Variants in AKAP19 observed in about 807,000 individuals in gnomAD.
The protein encoded by AKAP19 is A-kinase anchoring protein 19.
the AKAP19 span, among the ~76,000 whole-genome samples, chr2:190,041,976 T>C: frequency 6.6e-6 from 1 of 152,236 alleles, no homozygotes; most frequent in African/African-American, 2.4e-5. Context: ...GCCTGAAGCT[T>C]TCTTTTTTTA....
the AKAP19 span, among the ~76,000 whole-genome samples, chr2:189,936,914 C>G: frequency 6.6e-6 from 1 of 152,074 alleles, no homozygotes; most frequent in African/African-American, 2.4e-5. Flanking sequence ...CACTTGAGGC[C>G]CAGAGTTCAA....
the AKAP19 span, among the ~76,000 whole-genome samples, chr2:190,005,962 C>A: frequency 6.6e-6 from 1 of 152,106 alleles, no homozygotes; most frequent in Non-Finnish European, 1.5e-5. Flanking sequence ...TTTGTCCCTT[C>A]AGACTATTTT....
At chr2:189,916,914 G>A in the AKAP19 span, among the ~76,000 whole-genome samples, 20 of 151,932 alleles carry the variant, frequency 1.3e-4, no homozygotes, top group Non-Finnish European at 2.2e-4. Flanking sequence ...TTCATTCACC[G>A]TATAATTTAT....
the AKAP19 span, chr2:190,199,705 T>A: frequency 6.9e-7 from 1 of 1,455,912 alleles, no homozygotes; most frequent in East Asian, 2.4e-5. Context: ...AGGTAAACAC[T>A]ACACGTGAAG....
the AKAP19 span, among the ~76,000 whole-genome samples, chr2:190,084,432 G>A: frequency 6.6e-6 from 1 of 152,122 alleles, no homozygotes; most frequent in Non-Finnish European, 1.5e-5. Context: ...TGATTTTAAT[G>A]TGTTGGCTGG....
the AKAP19 span, among the ~76,000 whole-genome samples, chr2:190,047,573 A>G: frequency 1.3e-5 from 2 of 152,180 alleles, no homozygotes; most frequent in Non-Finnish European, 2.9e-5. Flanking sequence ...GAAGATTATG[A>G]TTTATTCCTC....
At chr2:189,990,907 T>C in the AKAP19 span, among the ~76,000 whole-genome samples, 6 of 152,262 alleles carry the variant, frequency 3.9e-5, no homozygotes, top group South Asian at 4.1e-4. Context: ...ATCACTCTTA[T>C]GCCTTTGCAT....
the AKAP19 span, among the ~76,000 whole-genome samples, chr2:190,073,435 A>G: frequency 6.6e-6 from 1 of 152,202 alleles, no homozygotes; most frequent in Non-Finnish European, 1.5e-5. Flanking sequence ...AAATAGAATT[A>G]TGGGAAACTT....
At chr2:189,933,815 T>C in the AKAP19 span, among the ~76,000 whole-genome samples, 1 of 152,156 alleles carries the variant, frequency 6.6e-6, no homozygotes, top group Non-Finnish European at 1.5e-5. Context: ...TCTTTGTTAA[T>C]ATTTGATATT....
At chr2:190,008,097 C>T in the AKAP19 span, among the ~76,000 whole-genome samples, 2 of 152,198 alleles carry the variant, frequency 1.3e-5, no homozygotes, top group African/African-American at 4.8e-5. Context: ...AAAACCAAAG[C>T]AGTAAAGTTT....
the AKAP19 span, among the ~76,000 whole-genome samples, chr2:190,016,771 T>TA: frequency 6.6e-6 from 1 of 152,222 alleles, no homozygotes; most frequent in Non-Finnish European, 1.5e-5. Context: ...TGCAGTTGAA[T>TA]AAAATGTTCT....
the AKAP19 span, among the ~76,000 whole-genome samples, chr2:189,977,767 A>G: frequency 1.3e-5 from 2 of 152,208 alleles, no homozygotes; most frequent in Non-Finnish European, 2.9e-5. Flanking sequence ...GAGATATTAA[A>G]AAAGAGAGTT....
chr2:189,923,380 C>T, the AKAP19 span: 1 of 1,612,522 alleles, frequency 6.2e-7, no homozygotes, highest in Non-Finnish European at 8.5e-7. Context: ...GTTCCATGAA[C>T]TCCCGTGTAT....
chr2:190,047,890 C>A, the AKAP19 span, among the ~76,000 whole-genome samples: 1 of 152,128 alleles, frequency 6.6e-6, no homozygotes, highest in Non-Finnish European at 1.5e-5. Context: ...AGAAAGGTAT[C>A]TTGGCTTCAG....
the AKAP19 span, among the ~76,000 whole-genome samples, chr2:189,972,325 G>A: frequency 3.3e-4 from 50 of 152,112 alleles, no homozygotes; most frequent in African/African-American, 5.3e-4. Context: ...GGTTCTGTTC[G>A]GTTCCATTGA....
chr2:189,967,815 A>G, the AKAP19 span, among the ~76,000 whole-genome samples: 1 of 151,498 alleles, frequency 6.6e-6, no homozygotes, highest in South Asian at 2.1e-4. Flanking sequence ...ACATAATGAG[A>G]CCCCATCTCT....
the AKAP19 span, among the ~76,000 whole-genome samples, chr2:190,140,791 C>T: frequency 1.3e-5 from 2 of 152,294 alleles, no homozygotes; most frequent in African/African-American, 4.8e-5. Context: ...CAACATTTGG[C>T]TCCTCATTAC....
chr2:189,891,340 C>T, the AKAP19 span, among the ~76,000 whole-genome samples: 657 of 147,502 alleles, frequency 4.5e-3, 6 homozygotes, highest in African/African-American at 0.016. Flanking sequence ...TCCCCTGCCT[C>T]AGCCTCCCAA....
chr2:190,170,453 GTT>G, the AKAP19 span, among the ~76,000 whole-genome samples: 12 of 152,198 alleles, frequency 7.9e-5, no homozygotes, highest in Non-Finnish European at 1.2e-4. Flanking sequence ...TCTCTGAACT[GTT>G]TCTTCATCTT....
Sources: gnomAD v4.1 joint callset for allele counts (sites outside exome capture counted in the v4.1 genomes callset) on GRCh38, gnomAD v4.1.1 for gene constraint, MANE v1.5 for transcripts, NCBI Gene and HGNC (gene_info 2026-07-23, HGNC 2026-07-21) for gene names.